The following PBX1 variants were observed in gnomAD, a reference collection of about 807,000 sequenced individuals.
PBX1 encodes the protein pre-B-cell leukemia transcription factor 1.
In PBX1, 6 loss-of-function variants were observed where a neutral mutation model predicts 53.4. The ratio of observed to expected loss-of-function variants is 0.11; its 90% CI spans 0.06 to 0.22. The LOEUF (loss-of-function observed/expected upper bound fraction) is 0.22. Among genes scored for constraint, PBX1 ranks in the 10% least tolerant of loss-of-function variants. The pLI is 1.00. For missense variants in PBX1, 251 were observed against 551.4 expected, an observed-to-expected ratio of 0.46 and a Z score of 5.46; for synonymous variants, 204 against 212.3, an observed-to-expected ratio of 0.96 and a Z score of 0.34.
At chr1:164,736,348 G>T (rs1571311844) in intron 2 of PBX1, among the ~76,000 whole-genome samples, 1 of 152,134 alleles carries the variant, frequency 6.6e-6, no homozygotes, top group East Asian at 1.9e-4. Flanking sequence ...GAACCACAAG[G>T]CATGAGGGTT....
chr1:164,837,474 A>G (rs560355817), intron 8 of PBX1, among the ~76,000 whole-genome samples: 1 of 152,318 alleles, frequency 6.6e-6, no homozygotes, highest in East Asian at 1.9e-4. Context: ...TTTAGGTAGT[A>G]TGAGTACATT....
At chr1:164,788,759 C>CT (rs1158652364) in intron 2 of PBX1, among the ~76,000 whole-genome samples, 1 of 140,800 alleles carries the variant, frequency 7.1e-6, no homozygotes, top group Non-Finnish European at 1.5e-5. Flanking sequence ...CCCTCCCCCC[C>CT]CCGCCCTTTT....
intron 2 of PBX1, among the ~76,000 whole-genome samples, chr1:164,603,928 C>CTTTTTTT (rs1557885817): frequency 2.5e-4 from 12 of 48,732 alleles, no homozygotes; most frequent in African/African-American, 3.6e-4. Flanking sequence ...TATGTCATTT[C>CTTTTTTT]ATTTTTTTTT....
chr1:164,813,262 A>C (rs1345788282), intron 6 of PBX1: 1 of 152,160 alleles, frequency 6.6e-6, no homozygotes, highest in Non-Finnish European at 1.5e-5. Flanking sequence ...TATACCCAGC[A>C]CTTCTTTTGT....
chr1:164,599,611 G>A (rs1656025414), intron 2 of PBX1, among the ~76,000 whole-genome samples: 2 of 152,100 alleles, frequency 1.3e-5, no homozygotes, highest in Admixed American at 1.3e-4. Context: ...GCCTGGCATG[G>A]GGATAACTGG....
At chr1:164,794,191 C>A (rs1203854356) in intron 3 of PBX1, among the ~76,000 whole-genome samples, 1 of 151,848 alleles carries the variant, frequency 6.6e-6, no homozygotes. Flanking sequence ...TTTTTAAAAG[C>A]CAAAAAAGAA....
intron 4 of PBX1, among the ~76,000 whole-genome samples, chr1:164,805,491 C>T (rs922194072): frequency 5.3e-5 from 8 of 152,100 alleles, no homozygotes; most frequent in Non-Finnish European, 1.2e-4. Context: ...CTGCACCATC[C>T]GCATACCACC....
At chr1:164,560,343 CT>C (rs948317375) in intron 1 of PBX1, 1 of 397,998 alleles carries the variant, frequency 2.5e-6, no homozygotes, top group African/African-American at 2.1e-5. Context: ...CTTTTTACTG[CT>C]TTAAAAAAGT....
intron 2 of PBX1, among the ~76,000 whole-genome samples, chr1:164,768,124 G>C (rs1029145459): frequency 6.6e-6 from 1 of 152,012 alleles, no homozygotes; most frequent in Non-Finnish European, 1.5e-5. Context: ...GACATGAAAA[G>C]GGAGTAAAAA....
intron 2 of PBX1, among the ~76,000 whole-genome samples, chr1:164,728,880 A>G (rs1389150625): frequency 6.6e-6 from 1 of 152,194 alleles, no homozygotes; most frequent in South Asian, 2.1e-4. Flanking sequence ...GTGTCTCTGC[A>G]TGGGTGAGAA....
chr1:164,837,392 T>C (rs558530801), intron 8 of PBX1, among the ~76,000 whole-genome samples: 1 of 152,340 alleles, frequency 6.6e-6, no homozygotes, highest in South Asian at 2.1e-4. Flanking sequence ...ATGAGGAAGC[T>C]TTATGCTTCC....
chr1:164,578,611 T>C (rs1340519679), intron 2 of PBX1, among the ~76,000 whole-genome samples: 1 of 152,138 alleles, frequency 6.6e-6, no homozygotes, highest in Non-Finnish European at 1.5e-5. Context: ...GCCTGAATCA[T>C]GGGCAGAATC....
intron 2 of PBX1, among the ~76,000 whole-genome samples, chr1:164,614,462 C>T (rs1207772469): frequency 1.3e-5 from 2 of 152,124 alleles, no homozygotes; most frequent in African/African-American, 4.8e-5. Context: ...TTCGTTTCCT[C>T]TTTTGTTCTC....
intron 2 of PBX1, among the ~76,000 whole-genome samples, chr1:164,573,069 C>G (rs1012821125): frequency 6.6e-6 from 1 of 151,990 alleles, no homozygotes. Context: ...TCAGTGAACA[C>G]CTGTAATTTT....
At chr1:164,851,895 C>G (rs1671859018), downstream of PBX1, 1 of 159,816 alleles carries the variant, frequency 6.3e-6, no homozygotes, top group South Asian at 2.0e-4. Context: ...CAAACTAGGC[C>G]TGCATTAGTG....
intron 2 of PBX1, among the ~76,000 whole-genome samples, chr1:164,758,320 G>A (rs1479599512): frequency 6.6e-6 from 1 of 152,158 alleles, no homozygotes; most frequent in African/African-American, 2.4e-5. Flanking sequence ...AGTGCATGGT[G>A]TCATGGGTTA....
chr1:164,736,500 A>G (rs1665297178), intron 2 of PBX1, among the ~76,000 whole-genome samples: 1 of 152,030 alleles, frequency 6.6e-6, no homozygotes, highest in Non-Finnish European at 1.5e-5. Context: ...TCCTCCTTTC[A>G]TCTTCCTTCT....
intron 4 of PBX1, among the ~76,000 whole-genome samples, chr1:164,805,777 A>T (rs1049331568): frequency 1.3e-5 from 2 of 152,226 alleles, no homozygotes; most frequent in African/African-American, 4.8e-5. Context: ...CCCACTTTGC[A>T]GTTAGGCTTT....
At chr1:164,775,515 C>T in intron 2 of PBX1, among the ~76,000 whole-genome samples, 1 of 152,274 alleles carries the variant, frequency 6.6e-6, no homozygotes, top group East Asian at 1.9e-4. Context: ...TTGAAACCAC[C>T]TTTGCCTCTG....
Sources: gnomAD v4.1 joint callset for allele counts (sites outside exome capture counted in the v4.1 genomes callset) on GRCh38, gnomAD v4.1.1 for gene constraint, MANE v1.5 for transcripts, NCBI Gene and HGNC (gene_info 2026-07-23, HGNC 2026-07-21) for gene names.